The following PCDHA2 variants were observed in gnomAD, a reference collection of about 807,000 sequenced individuals.
PCDHA2 encodes protocadherin alpha 2.
PCDHA2 carries 58 observed loss-of-function variants against 66.0 expected under a neutral mutation model. The ratio of observed to expected loss-of-function variants is 0.88; its 90% CI spans 0.71 to 1.09. The LOEUF (loss-of-function observed/expected upper bound fraction) is 1.09, where lower values mean the gene tolerates loss of function less well. Among genes scored for constraint, PCDHA2 ranks in the 50% least tolerant of loss-of-function variants. The pLI is 0.00. For synonymous variants in PCDHA2, 634 were observed against 554.0 expected (o/e 1.14, Z -2.03); for missense variants, 1,267 against 1,242.3 (o/e 1.02, Z -0.30).
rs528840085 is a variant in PCDHA2 at position 140,876,225 on chromosome 5, GT to G, written c.2388+78874del. 8.8e-5 allele frequency: 142 copies of G among 1,613,982 alleles called. No homozygotes were observed. The African/African-American group carries it at 1.7e-3, about 20-fold the overall frequency. The stretch of plus-strand genomic sequence containing the variant: ...ATAAGCCCAGCTATAAAGTAGTGTT[GT>G]CTGAAAATGTCCAAAACGACACAAG... On this transcript the variant is annotated intron_variant, in intron 1 of 3. Coordinates refer to ENST00000526136, the MANE Select transcript of PCDHA2 (RefSeq NM_018905.3).
chr5:140,929,497 C>A, intron 1 of PCDHA2: 1 of 977,560 alleles, frequency 1.0e-6, no homozygotes, highest in Non-Finnish European at 1.4e-6. Context: ...TAGAAGATTG[C>A]CCTAGGCCTC....
chr5:140,921,289 A>G (rs2080153256), intron 1 of PCDHA2, among the ~76,000 whole-genome samples: 1 of 152,172 alleles, frequency 6.6e-6, no homozygotes, highest in African/African-American at 2.4e-5. Flanking sequence ...AAAACCTCAA[A>G]TTTGCTGAAT....
rs147581214 is a variant in PCDHA2, at chr5:140,857,154, C to G, written c.2388+59802C>G. 87 of 1,598,228 alleles carry G rather than the reference C, an allele frequency of 5.4e-5. 8 individuals carry two copies. Among genetic ancestry groups the G allele is most frequent in the Non-Finnish European group, 7.1e-5 (83 of 1,167,802 alleles). On this transcript the variant is annotated intron_variant, in intron 1 of 3. Coordinates refer to ENST00000526136, the MANE Select transcript of PCDHA2 (RefSeq NM_018905.3). ...GATGCTCAAGTGGGCACCGTCATTG[C>G]CCTAATCAGCGTTTCTGACCATGAT...
rs529433053 is a variant in PCDHA2 at position 140,985,961 on chromosome 5, A to C, written c.2536+3398A>C. Among the ~76,000 whole-genome samples, 18 of 151,982 alleles carry C rather than the reference A, an allele frequency of 1.2e-4. 1 individual carries two copies. In the South Asian group the frequency reaches 3.3e-3, roughly 28 times the overall value. On this transcript the variant is annotated intron_variant, in intron 3 of 3. Transcript: ENST00000526136. Reference sequence around the variant, plus strand: ...TCACTGTGTTAGCCAGGATGGTCTCAATCTCCTGACCTCGTGATCCGCCCA... The same window carrying C: ...TCACTGTGTTAGCCAGGATGGTCTCCATCTCCTGACCTCGTGATCCGCCCA...
At chr5:140,839,108 A>G (rs1047759109) in intron 1 of PCDHA2, among the ~76,000 whole-genome samples, 1 of 151,988 alleles carries the variant, frequency 6.6e-6, no homozygotes, top group Non-Finnish European at 1.5e-5. Context: ...ATTATTTACC[A>G]TTAAGCCATA....
At chr5:140,872,207 T>C (rs1372716316) in intron 1 of PCDHA2, among the ~76,000 whole-genome samples, 1 of 152,224 alleles carries the variant, frequency 6.6e-6, no homozygotes, top group African/African-American at 2.4e-5. Flanking sequence ...ATAAATTCAT[T>C]ATATATGAAA....
Position 140,871,296 on chromosome 5 carries a change from C to A in PCDHA2, c.2388+73944C>A. ...CGGCAACGCCCACTGAGGGCGCGTG[C>A]GCGCCGGGGAAGCCCACGCTGGTGT... On this transcript the variant is annotated intron_variant, in intron 1 of 3. Coordinates refer to ENST00000526136, the MANE Select transcript of PCDHA2 (RefSeq NM_018905.3). 7 of 1,613,892 alleles carry A rather than the reference C, an allele frequency of 4.3e-6. No homozygotes were observed. The South Asian group carries it at 4.4e-5, about 10-fold the overall frequency.
intron 1 of PCDHA2, chr5:140,803,392 G>C (rs1554122787): frequency 6.2e-7 from 1 of 1,614,246 alleles, no homozygotes; most frequent in East Asian, 2.2e-5. Flanking sequence ...GAAGGCGACT[G>C]TGGGCCGGGC....
In PCDHA2 at chr5:140,797,154, T is replaced by TGC; in HGVS notation, c.2199_2200dup (p.Pro734ArgfsTer62). ...GGTGCTCGGTGCCACCCACCGAGGG[T>TGC]GCGCGCGCGCCAGGAAAGCCCACGC... On this transcript the variant is annotated frameshift_variant, in exon 1 of 4. Transcript: ENST00000526136. LOFTEE classifies it high-confidence loss of function. The TGC allele has an allele frequency of 6.2e-7, 1 of 1,613,844 alleles. No homozygotes were observed. Among genetic ancestry groups the TGC allele is most frequent in the Non-Finnish European group, 8.5e-7 (1 of 1,179,962 alleles).
intron 1 of PCDHA2, chr5:140,802,710 T>C (rs1554122299): frequency 1.9e-6 from 3 of 1,612,374 alleles, no homozygotes; most frequent in Non-Finnish European, 2.5e-6. Context: ...GCGCGCGCTG[T>C]CGAGCTACGT....
chr5:140,935,870 T>C (rs1486682424), intron 1 of PCDHA2, among the ~76,000 whole-genome samples: 1 of 151,620 alleles, frequency 6.6e-6, no homozygotes, highest in East Asian at 1.9e-4. Context: ...TAGCAATTAA[T>C]GAGCTCCAAT....
intron 1 of PCDHA2, chr5:140,927,766 GAGGTGCA>G: frequency 6.2e-7 from 1 of 1,614,234 alleles, no homozygotes. Context: ...TAAAAGTGGG[GAGGTGCA>G]AGTAGCTGCT....
intron 1 of PCDHA2, among the ~76,000 whole-genome samples, chr5:140,935,413 T>C (rs1011900671): frequency 1.3e-5 from 2 of 152,246 alleles, no homozygotes; most frequent in Non-Finnish European, 2.9e-5. Flanking sequence ...ACAATGGACT[T>C]AGAAAACAAT....
intron 1 of PCDHA2, chr5:140,822,308 A>G (rs2150115344): frequency 3.1e-6 from 5 of 1,614,222 alleles, no homozygotes; most frequent in Non-Finnish European, 4.2e-6. Flanking sequence ...GAATATTTTG[A>G]CTTAGATGTT....
chr5:140,872,873 A>G (rs1419569928), intron 1 of PCDHA2, among the ~76,000 whole-genome samples: 1 of 152,204 alleles, frequency 6.6e-6, no homozygotes, highest in African/African-American at 2.4e-5. Flanking sequence ...GACAATTATC[A>G]GTTTCATTCA....
intron 1 of PCDHA2, chr5:140,842,916 A>T: frequency 6.3e-7 from 1 of 1,594,694 alleles, no homozygotes; most frequent in East Asian, 2.2e-5. Flanking sequence ...GAGCTGCTGC[A>T]GTTCCAGGTG....
intron 1 of PCDHA2, chr5:140,869,033 T>C (rs1161601594): frequency 6.5e-7 from 1 of 1,527,194 alleles, no homozygotes; most frequent in East Asian, 2.3e-5. Flanking sequence ...AACGAGATTT[T>C]TAACCTGAAA....
At chr5:140,977,588 A>G (rs1237547807) in intron 1 of PCDHA2, among the ~76,000 whole-genome samples, 1 of 152,182 alleles carries the variant, frequency 6.6e-6, no homozygotes, top group Non-Finnish European at 1.5e-5. Context: ...GAGAGCAGTT[A>G]GCATGTGAGG....
intron 1 of PCDHA2, chr5:140,847,315 A>C (rs2150398811): frequency 1.3e-5 from 2 of 149,940 alleles, no homozygotes; most frequent in Non-Finnish European, 3.0e-5. Context: ...AATCAAGGAC[A>C]GAAGCAATTG....
Sources: allele counts gnomAD v4.1 joint callset (sites outside exome capture counted in the v4.1 genomes callset), GRCh38; gene constraint gnomAD v4.1.1; transcripts MANE v1.5; gene names NCBI Gene and HGNC (gene_info 2026-07-23, HGNC 2026-07-21).